FBXW7: variants seen among roughly 807,000 people sequenced by gnomAD.
FBXW7 encodes the protein F-box/WD repeat-containing protein 7.
FBXW7 carries 11 observed loss-of-function variants against 86.3 expected under a neutral mutation model. The observed-to-expected ratio is 0.13, with a 90% CI of 0.08 to 0.21. The LOEUF (loss-of-function observed/expected upper bound fraction) is 0.21, where lower values mean the gene tolerates loss of function less well. FBXW7 is among the 10% of genes least tolerant of loss of function. FBXW7 has a pLI of 1.00. For synonymous variants in FBXW7, 313 were observed against 297.9 expected, an observed-to-expected ratio of 1.05 and a Z score of -0.52; for missense variants, 488 against 847.4, an observed-to-expected ratio of 0.58 and a Z score of 5.27.
chr4:152,382,703 T>C (rs2126782313), intron 4 of FBXW7, among the ~76,000 whole-genome samples: 1 of 152,190 alleles, frequency 6.6e-6, no homozygotes, highest in East Asian at 1.9e-4. Context: ...TCTAAGAGTG[T>C]TTCCTAGAAA....
At chr4:152,426,388 T>C (rs185391268) in intron 2 of FBXW7, among the ~76,000 whole-genome samples, 2,341 of 151,486 alleles carry the variant, frequency 0.015, 41 homozygotes, top group Non-Finnish European at 0.025. Context: ...CTCGCTCTGT[T>C]GCCCAGGCTG....
chr4:152,344,432 C>G (rs1226951238), intron 6 of FBXW7, among the ~76,000 whole-genome samples: 2 of 152,016 alleles, frequency 1.3e-5, no homozygotes, highest in East Asian at 1.9e-4. Flanking sequence ...GGGGTAATTC[C>G]ACATGCTATT....
chr4:152,378,987 C>CA (rs1734811288), intron 4 of FBXW7, among the ~76,000 whole-genome samples: 1 of 152,058 alleles, frequency 6.6e-6, no homozygotes. Context: ...GCCTGGGAGA[C>CA]AGAGTGAGAC....
chr4:152,514,988 A>G (rs1053022017), intron 2 of FBXW7, among the ~76,000 whole-genome samples: 8 of 152,238 alleles, frequency 5.3e-5, no homozygotes, highest in African/African-American at 1.7e-4. Context: ...TGAAAAGACA[A>G]TAAGTAGAAA....
At position 152,321,215 on chromosome 4, in the gene FBXW7, T is replaced by C. The variant is rs562549555; in HGVS notation, c.*1666A>G. On this transcript the variant is annotated 3_prime_UTR_variant, in exon 14 of 14. Transcript: ENST00000281708. ...AATATTATAGACAAATCCTAAATAC[T>C]TATAATGAAGGATTATTACTTCAGT... 1.8e-5 allele frequency: 4 copies of C among 224,764 alleles called. No homozygotes were observed. In the Admixed American group the frequency reaches 2.3e-4, roughly 13 times the overall value. The allele number at this position is 224,764 out of a possible 1,614,324, so 13.9% of individuals were successfully genotyped here.
chr4:152,407,074 GTCTT>G (rs889558387), intron 4 of FBXW7, among the ~76,000 whole-genome samples: 2 of 152,152 alleles, frequency 1.3e-5, no homozygotes, highest in Admixed American at 1.3e-4. Flanking sequence ...GTAGGCATGA[GTCTT>G]TATTTTACAG....
intron 2 of FBXW7, among the ~76,000 whole-genome samples, chr4:152,472,511 T>C (rs1744048343): frequency 1.3e-5 from 2 of 152,224 alleles, no homozygotes; most frequent in East Asian, 3.9e-4. Flanking sequence ...CATACTGCTG[T>C]GGGAAAGAAG....
intron 2 of FBXW7, among the ~76,000 whole-genome samples, chr4:152,471,350 T>G (rs1743936732): frequency 7.9e-6 from 1 of 126,766 alleles, no homozygotes; most frequent in African/African-American, 3.0e-5. Context: ...TTCATTACAA[T>G]TACAGGGAGG....
intron 2 of FBXW7, among the ~76,000 whole-genome samples, chr4:152,519,827 C>A (rs1161059423): frequency 6.6e-6 from 1 of 152,168 alleles, no homozygotes; most frequent in Non-Finnish European, 1.5e-5. Context: ...TGATTAAAAG[C>A]ATAGACCATG....
chr4:152,502,863 G>A (rs551341801), intron 2 of FBXW7, among the ~76,000 whole-genome samples: 98 of 152,286 alleles, frequency 6.4e-4, no homozygotes, highest in South Asian at 3.1e-3. Context: ...CAAATACACA[G>A]TGAATTTTAT....
intron 2 of FBXW7, among the ~76,000 whole-genome samples, chr4:152,415,068 A>C (rs1333057041): frequency 1.3e-5 from 2 of 152,166 alleles, no homozygotes; most frequent in East Asian, 3.8e-4. Flanking sequence ...ATAATTCAAA[A>C]CCATTTGAAA....
intron 2 of FBXW7, among the ~76,000 whole-genome samples, chr4:152,512,602 T>C (rs1004263825): frequency 4.6e-5 from 7 of 152,290 alleles, no homozygotes; most frequent in East Asian, 1.9e-4. Context: ...AGAAGAACAC[T>C]GAAAACATCG....
At chr4:152,507,964 A>G (rs1747583246) in intron 2 of FBXW7, among the ~76,000 whole-genome samples, 1 of 151,814 alleles carries the variant, frequency 6.6e-6, no homozygotes, top group Non-Finnish European at 1.5e-5. Flanking sequence ...GCTACTCCGG[A>G]GGCTAAGGCA....
intron 4 of FBXW7, among the ~76,000 whole-genome samples, chr4:152,351,800 A>G (rs1044716183): frequency 5.9e-5 from 9 of 152,150 alleles, no homozygotes; most frequent in African/African-American, 1.9e-4. Flanking sequence ...ATTGGTGCAA[A>G]TACCATTTGC....
At chr4:152,426,073 T>TA (rs1739358231) in intron 2 of FBXW7, among the ~76,000 whole-genome samples, 1 of 152,082 alleles carries the variant, frequency 6.6e-6, no homozygotes, top group African/African-American at 2.4e-5. Flanking sequence ...TGACCTTAAT[T>TA]AAAAGTGGTA....
intron 7 of FBXW7, among the ~76,000 whole-genome samples, chr4:152,335,776 GA>G (rs79340790): frequency 1.3e-5 from 2 of 151,796 alleles, no homozygotes; most frequent in African/African-American, 4.8e-5. Flanking sequence ...ACTAGTCAAG[GA>G]AAAAAAATTA....
intron 4 of FBXW7, among the ~76,000 whole-genome samples, chr4:152,359,195 A>G (rs749373966): frequency 2.0e-5 from 3 of 152,148 alleles, no homozygotes; most frequent in Non-Finnish European, 4.4e-5. Context: ...AAAACAATCA[A>G]TTGAGAAATA....
At chr4:152,403,054 A>C (rs969639517) in intron 4 of FBXW7, among the ~76,000 whole-genome samples, 2 of 152,218 alleles carry the variant, frequency 1.3e-5, no homozygotes, top group Admixed American at 1.3e-4. Context: ...TAGGAGACTT[A>C]AAATCAGGAC....
At chr4:152,343,234 C>A (rs1042786146) in intron 6 of FBXW7, among the ~76,000 whole-genome samples, 4 of 152,038 alleles carry the variant, frequency 2.6e-5, no homozygotes, top group African/African-American at 4.8e-5. Context: ...TAATGTAAAG[C>A]TAATGGCATC....
Sources: gnomAD v4.1 joint callset for allele counts (sites outside exome capture counted in the v4.1 genomes callset) on GRCh38, gnomAD v4.1.1 for gene constraint, MANE v1.5 for transcripts, NCBI Gene and HGNC (gene_info 2026-07-23, HGNC 2026-07-21) for gene names.